Variants in MOCS1 observed in about 807,000 individuals in gnomAD.
MOCS1 encodes molybdenum cofactor synthesis 1, also known as molybdenum cofactor biosynthesis protein 1.
MOCS1 carries 39 observed loss-of-function variants against 57.6 expected under a neutral mutation model. The observed-to-expected ratio is 0.68, with a 90% confidence interval of 0.52 to 0.88. MOCS1 has a LOEUF of 0.88. Ranked by LOEUF, MOCS1 falls within the 40% of genes least tolerant of loss-of-function variation. The pLI is 0.00. For synonymous variants in MOCS1, 334 were observed against 335.7 expected (o/e 1.00, Z 0.05); for missense variants, 795 against 831.1 (o/e 0.96, Z 0.53).
Position 39,906,629 on chromosome 6 carries a change from T to G in MOCS1, c.1639A>C (p.Thr547Pro), listed in dbSNP as rs1582799237. The G allele has an allele frequency of 6.2e-7, 1 of 1,613,854 alleles. No individual in the cohort carries two copies. Among genetic ancestry groups the G allele is most frequent in the East Asian group, 2.2e-5 (1 of 44,878 alleles). Residue 547 changes from threonine to proline, a missense_variant, in exon 11 of 11, where the codon ACC becomes CCC. Thr to Pro is a conservative substitution (Grantham distance 38). Coordinates refer to ENST00000340692, the MANE Select transcript of MOCS1 (RefSeq NM_001358530.2). ...QLAGVQAAKV[T>P]SQLIPLCHHV... Reference sequence around the variant, plus strand: ...TGGCACAGAGGGATCAGCTGGCTGGTCACCTTGGCTGCCTGGACTCCAGCC... The same window carrying G: ...TGGCACAGAGGGATCAGCTGGCTGGGCACCTTGGCTGCCTGGACTCCAGCC...
Position 39,913,776 on chromosome 6 carries a change from T to C in MOCS1, c.643A>G (p.Lys215Glu), listed in dbSNP as rs1251566807. 1 of 1,614,158 alleles carries C rather than the reference T, an allele frequency of 6.2e-7. No individual in the cohort carries two copies. Among genetic ancestry groups the C allele is most frequent in the Non-Finnish European group, 8.5e-7 (1 of 1,180,022 alleles). ...KAIELGYNPV[K>E]VNCVVMRGLN... ...CTACGGCAGGGGCACGGCCTCACCT[T>C]CACAGGGTTGTAGCCCAGCTCGATG... The change falls in exon 5 of 11, where the codon AAG (lysine) becomes GAG (glutamate). Residue 215 changes from lysine (K) to glutamate (E), a missense_variant and splice_region_variant. Transcript: ENST00000340692.
chr6:39,914,448 C>T (rs1018051897), intron 4 of MOCS1, among the ~76,000 whole-genome samples: 10 of 152,254 alleles, frequency 6.6e-5, no homozygotes, highest in Admixed American at 2.0e-4. Context: ...ACTCTCTGAG[C>T]ACCTACTACG....
intron 1 of MOCS1, chr6:39,927,686 G>C: frequency 6.5e-7 from 1 of 1,543,828 alleles, no homozygotes. Context: ...GTCGGGGGCG[G>C]ATGGTGATCT....
At chr6:39,915,010 C>T (rs1488693853) in intron 4 of MOCS1, among the ~76,000 whole-genome samples, 1 of 152,190 alleles carries the variant, frequency 6.6e-6, no homozygotes, top group Non-Finnish European at 1.5e-5. Context: ...CCCTCCAGTT[C>T]CTCAAGGCCA....
At chr6:39,928,417 G>A (rs925867978) in intron 1 of MOCS1, among the ~76,000 whole-genome samples, 12 of 152,238 alleles carry the variant, frequency 7.9e-5, no homozygotes. Flanking sequence ...ACCTGCCTTG[G>A]CCCCCCAAAG....
At chr6:39,909,423 C>G (rs1767180412) in intron 9 of MOCS1, among the ~76,000 whole-genome samples, 1 of 152,012 alleles carries the variant, frequency 6.6e-6, no homozygotes, top group Admixed American at 6.5e-5. Flanking sequence ...AGCACATGCA[C>G]TCAGCTGTAT....
At chr6:39,916,372 A>T in intron 3 of MOCS1, 140 bp from the exon 4 acceptor site, 1 of 1,009,710 alleles carries the variant, frequency 9.9e-7, no homozygotes, top group Non-Finnish European at 1.4e-6. Flanking sequence ...ACCAGGCCTA[A>T]CTTAAAAAGA....
In MOCS1 at chr6:39,911,758, C is replaced by T. The variant is rs184366321; in HGVS notation, c.981+506G>A. 5.3e-4 allele frequency among the ~76,000 whole-genome samples: 80 copies of T among 152,308 alleles called. 1 individual carries two copies. Among genetic ancestry groups the T allele is most frequent in the Middle Eastern group, 3.4e-3 (1 of 294 alleles). ...TGCACTCTCACAGGCTATCTAGCCA[C>T]GCGTGTGGCAAGGACTCTCGTGCTG... On this transcript the variant is annotated intron_variant, in intron 8 of 10. Transcript: ENST00000340692.
In MOCS1 at chr6:39,904,266, A is replaced by AAAG. The variant is rs1766656804; in HGVS notation, c.*2088_*2090dup. The AAAG allele has an allele frequency of 2.2e-6, 1 of 456,592 alleles. No individual in the cohort carries two copies. The highest frequency in any genetic ancestry group is 4.4e-6 in the Non-Finnish European group (1 of 226,952). 28.3% of individuals were successfully genotyped at this position (456,592 alleles called of 1,614,324 possible). A position where few individuals can be genotyped will look rare whatever the true frequency, so the allele number is the denominator to read the frequency against. ...TCCAGAGCTCAGCCTTCTCACTCTA[A>AAAG]AAGAAAGATATTTTTCTATTTATTT... On this transcript the variant is annotated 3_prime_UTR_variant, in exon 11 of 11. Transcript: ENST00000340692.
intron 1 of MOCS1, among the ~76,000 whole-genome samples, chr6:39,933,923 T>C (rs1768772355): frequency 6.6e-6 from 1 of 151,860 alleles, no homozygotes; most frequent in African/African-American, 2.4e-5. Flanking sequence ...TCTCAGCTCT[T>C]GGGATAGGGA....
At chr6:39,927,123 G>C in intron 2 of MOCS1, 1 of 589,060 alleles carries the variant, frequency 1.7e-6, no homozygotes, top group Non-Finnish European at 3.0e-6. Flanking sequence ...ATTCCAAGTA[G>C]GACACAGCTT....
rs1205527886 is a variant in MOCS1 at position 39,905,537 on chromosome 6, C to T, written c.*820G>A. On this transcript the variant is annotated 3_prime_UTR_variant, in exon 11 of 11. Coordinates refer to ENST00000340692, the MANE Select transcript of MOCS1 (RefSeq NM_001358530.2). ...ATTCTTGCATCTGCAAAGTTGGCAT[C>T]GTAGCTTTATTTGTGCGCTGTGAGG... 1.7e-5 allele frequency: 8 copies of T among 471,040 alleles called. No individual in the cohort carries two copies. Among genetic ancestry groups the T allele is most frequent in the African/African-American group, 6.0e-5 (3 of 50,058 alleles). 29.2% of individuals were successfully genotyped at this position (471,040 alleles called of 1,614,324 possible).
Position 39,906,263 on chromosome 6 carries a change from G to GTGAC in MOCS1, c.*90_*93dup, listed in dbSNP as rs769306651. ...GTTTACTGCTCAAGGTAAACAAACA[G>GTGAC]TGACTGTGATTAAAGGAACCTGACG... On this transcript the variant is annotated 3_prime_UTR_variant, in exon 11 of 11. Coordinates refer to ENST00000340692, the MANE Select transcript of MOCS1 (RefSeq NM_001358530.2). The GTGAC allele has an allele frequency of 2.7e-6, 4 of 1,495,736 alleles. No homozygotes were observed. The African/African-American group carries it at 5.5e-5, about 21-fold the overall frequency. The allele number at this position is 1,495,736 out of a possible 1,614,324, so 92.7% of individuals were successfully genotyped here.
chr6:39,918,216 G>A (rs1225700090), intron 3 of MOCS1, among the ~76,000 whole-genome samples: 1 of 152,220 alleles, frequency 6.6e-6, no homozygotes, highest in East Asian at 1.9e-4. Context: ...CAGACCAGTT[G>A]TTTCCAAGAA....
At chr6:39,923,898 C>G (rs974369595) in intron 3 of MOCS1, among the ~76,000 whole-genome samples, 1 of 152,184 alleles carries the variant, frequency 6.6e-6, no homozygotes, top group Non-Finnish European at 1.5e-5. Context: ...GCTCATTCAT[C>G]TTCGTGTGCT....
chr6:39,925,522 T>C (rs1382561564), intron 3 of MOCS1, among the ~76,000 whole-genome samples, 156 bp downstream of exon 3: 1 of 152,152 alleles, frequency 6.6e-6, no homozygotes, highest in Non-Finnish European at 1.5e-5. Flanking sequence ...TCATCAAAAA[T>C]GGAAATAATA....
rs1485170184 is a variant in MOCS1 at position 39,905,956 on chromosome 6, C to T, written c.*401G>A. The T allele has an allele frequency of 2.0e-5, 9 of 461,328 alleles. No individual in the cohort carries two copies. Among genetic ancestry groups the T allele is most frequent in the South Asian group, 6.2e-5 (4 of 64,114 alleles). The allele number at this position is 461,328 out of a possible 1,614,324, so 28.6% of individuals were successfully genotyped here. On this transcript the variant is annotated 3_prime_UTR_variant, in exon 11 of 11. Transcript: ENST00000340692. ...AAAGTGGGCTCCTCTGCTTAATGAG[C>T]GCTTAATCTCTCCCCAGGAAAGCAG...
At position 39,913,556 on chromosome 6, in the gene MOCS1, T is replaced by G. The variant is rs1228769130; in HGVS notation, c.646-128A>C. On this transcript the variant is annotated intron_variant, in intron 5 of 10. Coordinates refer to ENST00000340692, the MANE Select transcript of MOCS1 (RefSeq NM_001358530.2). The stretch of plus-strand genomic sequence containing the variant: ...CCCATTCCTTGCTTCTCCCACTCAG[T>G]TCTCTAAGTTACGGGATTCCTTGGG... 7.2e-6 allele frequency: 7 copies of G among 972,126 alleles called. No homozygotes were observed. In the East Asian group the frequency reaches 1.5e-4, roughly 21 times the overall value. 60.2% of individuals were successfully genotyped at this position (972,126 alleles called of 1,614,324 possible). A position where few individuals can be genotyped will look rare whatever the true frequency, so the allele number is the denominator to read the frequency against.
rs902087587 is a variant in MOCS1 at position 39,925,966 on chromosome 6, C to T, written c.251-121G>A. The T allele has an allele frequency of 1.5e-5, 16 of 1,092,968 alleles. No homozygotes were observed. The Admixed American group carries it at 1.9e-4, about 13-fold the overall frequency. The allele number at this position is 1,092,968 out of a possible 1,614,324, so 67.7% of individuals were successfully genotyped here. A position where few individuals can be genotyped will look rare whatever the true frequency, so the allele number is the denominator to read the frequency against. Reference sequence around the variant, plus strand: ...CTTCTCAAACCCATCTGGATGTGAGCGGAGACCTCACTAAACCTGAGGTGG... The same window carrying T: ...CTTCTCAAACCCATCTGGATGTGAGTGGAGACCTCACTAAACCTGAGGTGG... On this transcript the variant is annotated intron_variant, in intron 2 of 10. Coordinates refer to ENST00000340692, the MANE Select transcript of MOCS1 (RefSeq NM_001358530.2).
Sources: gnomAD v4.1 joint callset for allele counts (sites outside exome capture counted in the v4.1 genomes callset) on GRCh38, gnomAD v4.1.1 for gene constraint, MANE v1.5 for transcripts, NCBI Gene and HGNC (gene_info 2026-07-23, HGNC 2026-07-21) for gene names.